Variants in SCYL2 observed in about 807,000 individuals in gnomAD.
The protein encoded by SCYL2 is SCY1 like pseudokinase 2.
A neutral mutation model predicts 100.4 loss-of-function variants in SCYL2; 36 were observed. The ratio of observed to expected loss-of-function variants is 0.36; its 90% CI spans 0.27 to 0.47. The LOEUF is 0.47. SCYL2 is among the 20% of genes least tolerant of loss of function. The pLI, the probability that SCYL2 is intolerant of heterozygous loss-of-function variation, is 1.00. For missense variants in SCYL2, 902 were observed against 1,083.9 expected (o/e 0.83, Z 2.36); for synonymous variants, 330 against 359.2 (o/e 0.92, Z 0.92).
At chr12:100,301,206 T>A (rs905982361) in intron 4 of SCYL2, among the ~76,000 whole-genome samples, 1 of 152,234 alleles carries the variant, frequency 6.6e-6, no homozygotes, top group Non-Finnish European at 1.5e-5. Flanking sequence ...TTGGGTGAGT[T>A]GATATCTCAT....
intron 9 of SCYL2, 101 bp downstream of exon 9, chr12:100,315,835 G>A: frequency 1.1e-6 from 1 of 944,988 alleles, no homozygotes; most frequent in Non-Finnish European, 1.5e-6. Context: ...AAAAACTGAG[G>A]TAAGTGTATG....
At chr12:100,278,833 T>A (rs2096295217) in intron 1 of SCYL2, among the ~76,000 whole-genome samples, 1 of 152,098 alleles carries the variant, frequency 6.6e-6, no homozygotes, top group Non-Finnish European at 1.5e-5. Flanking sequence ...TTTCTCCATG[T>A]TTGCCAGGAT....
In SCYL2 at chr12:100,282,947, C is replaced by G; in HGVS notation, c.-24C>G. The G allele has an allele frequency of 6.6e-7, 1 of 1,518,226 alleles. No homozygotes were observed. The highest frequency in any genetic ancestry group is 9.0e-7 in the Non-Finnish European group (1 of 1,116,746). The allele number at this position is 1,518,226 out of a possible 1,614,324, so 94.0% of individuals were successfully genotyped here. ...ACTATCCTTCTGTTTTTCTAGGTAA[C>G]TATAACTACCCAATATTGCAGCCAT... On this transcript the variant is annotated 5_prime_UTR_variant, in exon 2 of 18. Transcript: ENST00000360820.
rs1379536588 is a variant in SCYL2 at position 100,339,473 on chromosome 12, T to C, written c.*301T>C. On this transcript the variant is annotated 3_prime_UTR_variant, in exon 18 of 18. Coordinates refer to ENST00000360820, the MANE Select transcript of SCYL2 (RefSeq NM_017988.6). ...TATCTTGAATAACATAACTTTTTAATCAAATGTTTATTTTGGCTTGTGGAT... is the reference window on the plus strand; with the variant it reads ...TATCTTGAATAACATAACTTTTTAACCAAATGTTTATTTTGGCTTGTGGAT... The C allele has an allele frequency of 9.4e-6, 3 of 318,292 alleles. No individual in the cohort carries two copies. The highest frequency in any genetic ancestry group is 4.3e-5 in the African/African-American group (2 of 46,060). 19.7% of individuals were successfully genotyped at this position (318,292 alleles called of 1,614,324 possible). A position where few individuals can be genotyped will look rare whatever the true frequency, so the allele number is the denominator to read the frequency against.
At chr12:100,290,928 A>G (rs1477807540) in intron 2 of SCYL2, among the ~76,000 whole-genome samples, 1 of 152,192 alleles carries the variant, frequency 6.6e-6, no homozygotes, top group Non-Finnish European at 1.5e-5. Flanking sequence ...AGTATAAAAT[A>G]AGCTGTGAAT....
chr12:100,327,959 G>A (rs965519802), intron 12 of SCYL2, among the ~76,000 whole-genome samples: 1 of 151,928 alleles, frequency 6.6e-6, no homozygotes, highest in Non-Finnish European at 1.5e-5. Context: ...TAGGGATATC[G>A]CATGAATCTT....
chr12:100,339,721 T>C lies in SCYL2; in HGVS notation c.*549T>C, dbSNP rs75217574. The C allele has an allele frequency of 0.041, 6,331 of 153,768 alleles. 478 individuals carry two copies. Among genetic ancestry groups the C allele is most frequent in the African/African-American group, 0.14 (5,947 of 41,542 alleles). 9.5% of individuals were successfully genotyped at this position (153,768 alleles called of 1,614,324 possible). A position where few individuals can be genotyped will look rare whatever the true frequency, so the allele number is the denominator to read the frequency against. On this transcript the variant is annotated 3_prime_UTR_variant, in exon 18 of 18. Transcript: ENST00000360820. ...CAAACTTTTCAGATGAACTATTGTTTAGTACAGAGACTGAGCAAATACTAC... is the reference window on the plus strand; with the variant it reads ...CAAACTTTTCAGATGAACTATTGTTCAGTACAGAGACTGAGCAAATACTAC...
intron 14 of SCYL2, among the ~76,000 whole-genome samples, chr12:100,335,315 C>G (rs1402346650): frequency 2.6e-5 from 4 of 152,012 alleles, no homozygotes; most frequent in African/African-American, 9.7e-5. Context: ...TTGAATTCCC[C>G]ATATTATATC....
At chr12:100,286,103 T>C (rs1312096045) in intron 2 of SCYL2, among the ~76,000 whole-genome samples, 1 of 152,196 alleles carries the variant, frequency 6.6e-6, no homozygotes, top group Non-Finnish European at 1.5e-5. Flanking sequence ...AAACACCATA[T>C]ACATCTAATT....
chr12:100,276,509 A>G (rs889885900), intron 1 of SCYL2, among the ~76,000 whole-genome samples: 2 of 151,662 alleles, frequency 1.3e-5, no homozygotes, highest in Non-Finnish European at 2.9e-5. Context: ...ATTTTATTTT[A>G]TTTGTTTTTG....
rs559609617 is a variant in SCYL2, at chr12:100,340,559, G to A, written c.*1387G>A. The A allele has an allele frequency of 6.6e-6, 1 of 152,110 alleles. No individual in the cohort carries two copies. Among genetic ancestry groups the A allele is most frequent in the South Asian group, 2.1e-4 (1 of 4,826 alleles). 9.4% of individuals were successfully genotyped at this position (152,110 alleles called of 1,614,324 possible). A position where few individuals can be genotyped will look rare whatever the true frequency, so the allele number is the denominator to read the frequency against. On this transcript the variant is annotated 3_prime_UTR_variant, in exon 18 of 18. Transcript: ENST00000360820. Reference sequence around the variant, plus strand: ...AAATAAACCATATTAAGTTTAGTATGCTGGTATTGTTTATTCATTTTATAT... The same window carrying A: ...AAATAAACCATATTAAGTTTAGTATACTGGTATTGTTTATTCATTTTATAT...
chr12:100,324,357 A>G (rs1015135054), intron 11 of SCYL2, among the ~76,000 whole-genome samples: 4 of 152,190 alleles, frequency 2.6e-5, no homozygotes, highest in African/African-American at 9.6e-5. Context: ...GCAGCTTTAA[A>G]GAGGGAGAAA....
chr12:100,318,329 C>CTTTTTT (rs1052095844), intron 10 of SCYL2, among the ~76,000 whole-genome samples: 10 of 130,970 alleles, frequency 7.6e-5, no homozygotes, highest in African/African-American at 1.7e-4. Flanking sequence ...TCTTTTCTTT[C>CTTTTTT]TTTTTTTTTT....
intron 4 of SCYL2, among the ~76,000 whole-genome samples, chr12:100,305,043 G>A (rs866702365): frequency 3.9e-5 from 6 of 152,052 alleles, no homozygotes; most frequent in African/African-American, 9.7e-5. Flanking sequence ...AGACTCCCAC[G>A]CAATAATAGT....
At chr12:100,318,374 A>G (rs1592960007) in intron 10 of SCYL2, among the ~76,000 whole-genome samples, 1 of 128,270 alleles carries the variant, frequency 7.8e-6, no homozygotes, top group Non-Finnish European at 1.6e-5. Flanking sequence ...TCTGTCGCCC[A>G]GGCTGGAGTG....
rs779000429 is a variant in SCYL2 at position 100,337,473 on chromosome 12, C to A, written c.2112C>A (p.Pro704=). ...TGAAAAGCCAGCAGCCTCTTAAACC[C>A]CAAGTGCACACACCTGTTGCTACTG... is the stretch of plus-strand genomic sequence containing the variant. ...QKLKSQQPLK[P]QVHTPVATVK... Residue 704 remains proline (P), a synonymous_variant, in exon 17 of 18, where the codon CCC becomes CCA. Coordinates refer to ENST00000360820, the MANE Select transcript of SCYL2 (RefSeq NM_017988.6). 1 of 1,613,282 alleles carries A rather than the reference C, an allele frequency of 6.2e-7. No individual in the cohort carries two copies. The highest frequency in any genetic ancestry group is 1.1e-5 in the South Asian group (1 of 90,898).
rs80112184 is a variant in SCYL2 at position 100,275,640 on chromosome 12, C to G, written c.-28-7303C>G. 7.3e-3 allele frequency among the ~76,000 whole-genome samples: 1,118 copies of G among 152,214 alleles called. 12 individuals carry two copies. Among genetic ancestry groups the G allele is most frequent in the African/African-American group, 0.025 (1,051 of 41,546 alleles). ...GTGTCATTTGGGAATAAATTGTATT[C>G]TTTCTTTGCAGTCCGAATGCCTTTT... On this transcript the variant is annotated intron_variant, in intron 1 of 17. Coordinates refer to ENST00000360820, the MANE Select transcript of SCYL2 (RefSeq NM_017988.6).
intron 3 of SCYL2, among the ~76,000 whole-genome samples, chr12:100,294,090 T>C (rs1020352321): frequency 5.4e-5 from 8 of 148,404 alleles, no homozygotes; most frequent in African/African-American, 2.0e-4. Flanking sequence ...GCTCCTCACT[T>C]CCCAGTAGGG....
intron 3 of SCYL2, among the ~76,000 whole-genome samples, chr12:100,294,454 C>G (rs1423883949): frequency 1.0e-5 from 1 of 96,524 alleles, no homozygotes; most frequent in Non-Finnish European, 2.1e-5. Context: ...CCAGTAGGGG[C>G]GGCCGGGCAG....
Sources: gnomAD v4.1 joint callset for allele counts (sites outside exome capture counted in the v4.1 genomes callset) on GRCh38, gnomAD v4.1.1 for gene constraint, MANE v1.5 for transcripts, NCBI Gene and HGNC (gene_info 2026-07-23, HGNC 2026-07-21) for gene names.